DMD: variants seen among roughly 807,000 people sequenced by gnomAD.
DMD encodes dystrophin.
In DMD, 63 loss-of-function variants were observed where a neutral mutation model predicts 330.1. The observed-to-expected ratio is 0.19, with a 90% CI of 0.16 to 0.24. DMD has a LOEUF of 0.24. Among genes scored for constraint, DMD ranks in the 10% least tolerant of loss-of-function variants. The pLI is 1.00. For synonymous variants in DMD, 1,223 were observed against 959.8 expected (o/e 1.27, Z -5.07); for missense variants, 3,344 against 2,684.1 (o/e 1.25, Z -5.43).
At chrX:32,978,034 T>G (rs2092603131) in intron 2 of DMD, among the ~76,000 whole-genome samples, 1 of 111,875 alleles carries the variant, frequency 8.9e-6, no homozygotes. Context: ...TTGACAAAAC[T>G]ATTACCAGTT....
chrX:31,671,085 T>C (rs867140405), intron 53 of DMD, among the ~76,000 whole-genome samples: 18 of 111,503 alleles, frequency 1.6e-4, no homozygotes, highest in Middle Eastern at 4.6e-3. Context: ...GCTAATTTTT[T>C]GTATTTTTAG....
At chrX:33,315,447 C>T (rs1015613955) in intron 1 of DMD, among the ~76,000 whole-genome samples, 5 of 111,837 alleles carry the variant, frequency 4.5e-5, no homozygotes, top group Admixed American at 9.5e-5. Flanking sequence ...TCCATGCCTA[C>T]TACAAACTCC....
intron 44 of DMD, among the ~76,000 whole-genome samples, chrX:32,058,739 G>A (rs888518670): frequency 1.8e-5 from 2 of 110,903 alleles, no homozygotes; most frequent in African/African-American, 3.3e-5. Context: ...TAGCAATCCC[G>A]CATCTGGATA....
intron 51 of DMD, among the ~76,000 whole-genome samples, chrX:31,764,364 T>C (rs1228177346): frequency 8.9e-6 from 1 of 111,748 alleles, no homozygotes; most frequent in Admixed American, 9.6e-5. Context: ...AATTTTTATG[T>C]AGAATTTCTC....
Position 32,958,486 on chromosome X carries a change from T to TAC in DMD, c.93+61651_93+61652dup, listed in dbSNP as rs1648582877. ...CACAAGTTCCTCCCATTATTTAATT[T>TAC]ACCTAAGGACTATCAGTTACCTTAA... On this transcript the variant is annotated intron_variant, in intron 2 of 78. Coordinates refer to ENST00000357033, the MANE Select transcript of DMD (RefSeq NM_004006.3). Among the ~76,000 whole-genome samples, 5 of 111,248 alleles carry TAC rather than the reference T, an allele frequency of 4.5e-5. No individual in the cohort carries two copies. The Middle Eastern group carries it at 0.019, about 418-fold the overall frequency.
rs1484452040 is a variant in DMD at position 32,463,600 on chromosome X, A to G, written c.3277-6T>C. 3 of 1,130,130 alleles carry G rather than the reference A, an allele frequency of 2.7e-6. No homozygotes were observed. Among genetic ancestry groups the G allele is most frequent in the Middle Eastern group, 4.9e-4 (2 of 4,107 alleles). The allele number at this position is 1,130,130 out of a possible 1,213,427, so 93.1% of individuals were successfully genotyped here. ...TGAATATCACTGACTAAAAGCTAAG[A>G]AAATAAATCAATTTAAGCCAGCTGA... On this transcript the variant is annotated splice_polypyrimidine_tract_variant and splice_region_variant and intron_variant, in intron 24 of 78. Coordinates refer to ENST00000357033, the MANE Select transcript of DMD (RefSeq NM_004006.3).
chrX:31,689,270 G>T (rs1315741592), intron 52 of DMD, among the ~76,000 whole-genome samples: 1 of 112,427 alleles, frequency 8.9e-6, no homozygotes, highest in Non-Finnish European at 1.9e-5. Flanking sequence ...CTTCAGCAAA[G>T]TCTCAGGATA....
At chrX:33,108,090 A>G (rs1433709593) in intron 1 of DMD, among the ~76,000 whole-genome samples, 2 of 111,834 alleles carry the variant, frequency 1.8e-5, no homozygotes, top group African/African-American at 6.5e-5. Flanking sequence ...ATTAACTAAA[A>G]TAAATAATTA....
chrX:32,367,083 C>T (rs769588810), intron 34 of DMD, among the ~76,000 whole-genome samples: 1 of 111,970 alleles, frequency 8.9e-6, no homozygotes, highest in African/African-American at 3.2e-5. Flanking sequence ...ATATGTAATT[C>T]TCCTCAATAT....
At chrX:32,841,038 C>G (rs769411779) in intron 4 of DMD, among the ~76,000 whole-genome samples, 35 of 111,504 alleles carry the variant, frequency 3.1e-4, no homozygotes, top group Non-Finnish European at 5.8e-4. Context: ...CCAGTTGATC[C>G]ATGTCCTCAT....
At position 31,507,297 on chromosome X, in the gene DMD, T is replaced by C. The variant is rs794727766; in HGVS notation, c.8374A>G (p.Lys2792Glu). The C allele has an allele frequency of 1.5e-5, 18 of 1,211,572 alleles. No homozygotes were observed. The highest frequency in any genetic ancestry group is 2.0e-5 in the Non-Finnish European group (18 of 895,448). The stretch of plus-strand genomic sequence containing the variant: ...TTTTCCTACCTAATGTTGAGAGACT[T>C]TTTCCGAAGTTCACTCCACTTGAAG... ...MNFKWSELRK[K>E]SLNIRSHLEA... is the part of the protein sequence containing the mutation. The change falls in exon 56 of 79, where the codon AAG becomes GAG. Residue 2792 changes from lysine (K) to glutamate (E), a missense_variant. Transcript: ENST00000357033.
chrX:31,585,561 T>A (rs897457568), intron 55 of DMD, among the ~76,000 whole-genome samples: 3 of 108,227 alleles, frequency 2.8e-5, no homozygotes, highest in Non-Finnish European at 5.7e-5. Context: ...TAACCTCAGC[T>A]TTTTTTCCAA....
chrX:33,016,420 G>A (rs1171129600), intron 2 of DMD, among the ~76,000 whole-genome samples: 3 of 111,088 alleles, frequency 2.7e-5, no homozygotes, highest in Admixed American at 9.7e-5. Flanking sequence ...TTGGTCTGGG[G>A]ATAATTTCCA....
At chrX:33,113,820 T>C (rs983139133) in intron 1 of DMD, among the ~76,000 whole-genome samples, 1 of 111,629 alleles carries the variant, frequency 9.0e-6, no homozygotes, top group African/African-American at 3.3e-5. Context: ...ATGATGTTTA[T>C]GTAATCTAAT....
intron 1 of DMD, among the ~76,000 whole-genome samples, chrX:33,100,440 C>T (rs1003707329): frequency 9.0e-6 from 1 of 111,196 alleles, no homozygotes; most frequent in East Asian, 2.8e-4. Flanking sequence ...GCTTGTAATC[C>T]CAGCACTTTG....
intron 61 of DMD, among the ~76,000 whole-genome samples, chrX:31,346,675 C>A (rs550683097): frequency 1.8e-5 from 2 of 109,870 alleles, no homozygotes. Context: ...AATAAAATAG[C>A]AAAACCAGTA....
intron 19 of DMD, among the ~76,000 whole-genome samples, chrX:32,501,110 C>T (rs1039403969): frequency 3.6e-5 from 4 of 111,853 alleles, no homozygotes; most frequent in Non-Finnish European, 5.6e-5. Flanking sequence ...GTCAATGACA[C>T]ATTTGGTACA....
chrX:33,084,996 G>A (rs906131488), intron 1 of DMD, among the ~76,000 whole-genome samples: 1 of 110,535 alleles, frequency 9.0e-6, no homozygotes, highest in African/African-American at 3.3e-5. Context: ...ATGGGGTGGG[G>A]GTGGTGAGTT....
At chrX:32,201,479 C>T (rs868308092) in intron 44 of DMD, among the ~76,000 whole-genome samples, 13 of 95,280 alleles carry the variant, frequency 1.4e-4, no homozygotes, top group South Asian at 5.5e-4. Context: ...ACCCCCCCCC[C>T]CCCCAACAAG....
Sources: gnomAD v4.1 joint callset for allele counts (sites outside exome capture counted in the v4.1 genomes callset) on GRCh38, gnomAD v4.1.1 for gene constraint, MANE v1.5 for transcripts, NCBI Gene and HGNC (gene_info 2026-07-23, HGNC 2026-07-21) for gene names.